Variants in SPECC1 observed in about 807,000 individuals in gnomAD.
The protein encoded by SPECC1 is sperm antigen with calponin homology and coiled-coil domains 1.
Under a neutral mutation model 104.1 loss-of-function variants are expected in SPECC1, and 62 were observed. The ratio of observed to expected loss-of-function variants is 0.60; its 90% CI spans 0.49 to 0.74. SPECC1 has a LOEUF of 0.74. Ranked by LOEUF, SPECC1 falls within the 30% of genes least tolerant of loss-of-function variation. The pLI is 0.00. For synonymous variants in SPECC1, 513 were observed against 501.6 expected, an observed-to-expected ratio of 1.02 and a Z score of -0.30; for missense variants, 1,306 against 1,310.5, an observed-to-expected ratio of 1.00 and a Z score of 0.05.
At position 20,306,087 on chromosome 17, in the gene SPECC1, G is replaced by A. The variant is rs762710127; in HGVS notation, c.3117+5G>A. 228 of 1,612,480 alleles carry A rather than the reference G, an allele frequency of 1.4e-4. No homozygotes were observed. The highest frequency in any genetic ancestry group is 1.9e-4 in the Non-Finnish European group (219 of 1,179,132). On this transcript the variant is annotated splice_donor_5th_base_variant and intron_variant, in intron 14 of 14. Coordinates refer to ENST00000395527, the MANE Select transcript of SPECC1 (RefSeq NM_001243439.2). The stretch of plus-strand genomic sequence containing the variant: ...GTAGGCATCAAACCCAGCCTGGTAC[G>A]TATCCTATTTTGTATCCTTGTGATA...
At chr17:20,150,202 C>T (rs1423659298) in intron 3 of SPECC1, among the ~76,000 whole-genome samples, 2 of 151,724 alleles carry the variant, frequency 1.3e-5, no homozygotes, top group African/African-American at 2.4e-5. Flanking sequence ...TCCGGATGGT[C>T]TCGATCTCCT....
intron 1 of SPECC1, among the ~76,000 whole-genome samples, chr17:20,029,144 G>T (rs1182508228): frequency 2.6e-5 from 4 of 152,044 alleles, no homozygotes; most frequent in Admixed American, 6.6e-5. Context: ...TTTGATCCAT[G>T]AACATGGGAT....
chr17:20,274,264 G>T (rs1223594405), intron 12 of SPECC1, among the ~76,000 whole-genome samples: 2 of 152,110 alleles, frequency 1.3e-5, no homozygotes, highest in African/African-American at 4.8e-5. Context: ...GTTCCCTTCT[G>T]TGCCTCTGTG....
At chr17:20,225,017 A>C (rs1268365210) in intron 4 of SPECC1, among the ~76,000 whole-genome samples, 1 of 152,214 alleles carries the variant, frequency 6.6e-6, no homozygotes, top group Non-Finnish European at 1.5e-5. Flanking sequence ...GAATGCTGCC[A>C]GGACTGGGTC....
chr17:20,158,039 G>T (rs2032762812), intron 3 of SPECC1, among the ~76,000 whole-genome samples: 1 of 152,198 alleles, frequency 6.6e-6, no homozygotes, highest in Non-Finnish European at 1.5e-5. Flanking sequence ...CTAATGCTGT[G>T]ATGAAATGCT....
intron 1 of SPECC1, among the ~76,000 whole-genome samples, chr17:20,076,681 T>TG (rs2046772079): frequency 6.6e-6 from 1 of 152,204 alleles, no homozygotes; most frequent in Non-Finnish European, 1.5e-5. Flanking sequence ...GGGTTGTATC[T>TG]GTAGGGTAGA....
At chr17:20,231,900 C>T in intron 6 of SPECC1, 69 bp downstream of exon 6, 1 of 1,471,332 alleles carries the variant, frequency 6.8e-7, no homozygotes, top group South Asian at 1.1e-5. Flanking sequence ...GTGGATCACT[C>T]TCTCTATCCT....
At chr17:20,107,166 A>AAAG (rs2048259013) in intron 2 of SPECC1, among the ~76,000 whole-genome samples, 1 of 148,794 alleles carries the variant, frequency 6.7e-6, no homozygotes, top group African/African-American at 2.5e-5. Context: ...AAAAAAAAAA[A>AAAG]AAAGAAAAGA....
chr17:20,201,942 A>G (rs2036462214), intron 3 of SPECC1, among the ~76,000 whole-genome samples: 1 of 152,242 alleles, frequency 6.6e-6, no homozygotes, highest in Non-Finnish European at 1.5e-5. Flanking sequence ...AGAAATATGA[A>G]AACAATTGAG....
At chr17:20,040,420 ATTTC>A (rs961290575) in intron 1 of SPECC1, among the ~76,000 whole-genome samples, 4 of 152,028 alleles carry the variant, frequency 2.6e-5, no homozygotes, top group African/African-American at 9.7e-5. Context: ...TTACTATGTT[ATTTC>A]TTTCTTCTTG....
At chr17:20,231,876 A>G in intron 6 of SPECC1, 45 bp downstream of exon 6, 1 of 1,579,704 alleles carries the variant, frequency 6.3e-7, no homozygotes. Flanking sequence ...CCTATGAATT[A>G]CCCGCTCCGA....
At chr17:20,218,085 G>A (rs189961785) in intron 4 of SPECC1, among the ~76,000 whole-genome samples, 3 of 152,296 alleles carry the variant, frequency 2.0e-5, no homozygotes, top group Admixed American at 2.0e-4. Flanking sequence ...TAATAAAGTA[G>A]CTATTGCTAA....
chr17:20,220,558 GTTTTT>G (rs34347184), intron 4 of SPECC1, among the ~76,000 whole-genome samples: 35 of 128,062 alleles, frequency 2.7e-4, no homozygotes, highest in East Asian at 1.5e-3. Flanking sequence ...GTTCTTAATA[GTTTTT>G]TTTTTTTTTT....
intron 3 of SPECC1, among the ~76,000 whole-genome samples, chr17:20,137,311 G>A (rs1384337016): frequency 6.6e-6 from 1 of 152,172 alleles, no homozygotes; most frequent in East Asian, 1.9e-4. Context: ...TTAGCCTCTT[G>A]GAGGAGCATC....
intron 12 of SPECC1, among the ~76,000 whole-genome samples, chr17:20,296,540 T>C (rs942226398): frequency 1.2e-4 from 18 of 152,238 alleles, no homozygotes; most frequent in Admixed American, 8.5e-4. Context: ...TAAAGTAGTT[T>C]TTTCCAATTC....
intron 3 of SPECC1, chr17:20,112,699 T>G: frequency 8.9e-7 from 1 of 1,124,636 alleles, no homozygotes; most frequent in Non-Finnish European, 1.4e-6. Context: ...TGAAACTGTG[T>G]AATTTTGAGG....
At chr17:20,213,926 C>G (rs1370493266) in intron 4 of SPECC1, among the ~76,000 whole-genome samples, 1 of 152,076 alleles carries the variant, frequency 6.6e-6, no homozygotes, top group Admixed American at 6.6e-5. Flanking sequence ...CCATTTAAAT[C>G]ACGTAAGTCT....
intron 3 of SPECC1, among the ~76,000 whole-genome samples, chr17:20,162,159 T>TA (rs2033217633): frequency 2.0e-5 from 3 of 151,304 alleles, no homozygotes; most frequent in South Asian, 2.1e-4. Context: ...TATATATATA[T>TA]TTTTTAGACA....
chr17:20,165,268 T>C (rs1351904989), intron 3 of SPECC1, among the ~76,000 whole-genome samples: 1 of 152,188 alleles, frequency 6.6e-6, no homozygotes, highest in Non-Finnish European at 1.5e-5. Flanking sequence ...CCATGTGTTC[T>C]CATTGTTAAG....
Sources: gnomAD v4.1 joint callset for allele counts (sites outside exome capture counted in the v4.1 genomes callset) on GRCh38, gnomAD v4.1.1 for gene constraint, MANE v1.5 for transcripts, NCBI Gene and HGNC (gene_info 2026-07-23, HGNC 2026-07-21) for gene names.